The following IL1RAPL1 variants were observed in gnomAD, a reference collection of about 807,000 sequenced individuals.
The protein encoded by IL1RAPL1 is interleukin 1 receptor accessory protein like 1, also known as interleukin-1 receptor accessory protein-like 1.
In IL1RAPL1, 3 loss-of-function variants were observed where a neutral mutation model predicts 48.4. The ratio of observed to expected loss-of-function variants is 0.06; its 90% CI spans 0.03 to 0.16. The LOEUF (loss-of-function observed/expected upper bound fraction) is 0.16. Among genes scored for constraint, IL1RAPL1 ranks in the 10% least tolerant of loss-of-function variants. IL1RAPL1 has a pLI of 1.00. For synonymous variants in IL1RAPL1, 185 were observed against 187.7 expected (o/e 0.99, Z 0.12); for missense variants, 349 against 530.6 (o/e 0.66, Z 3.36).
chrX:28,834,321 G>A, intron 2 of IL1RAPL1, among the ~76,000 whole-genome samples: 1 of 111,164 alleles, frequency 9.0e-6, no homozygotes, highest in Non-Finnish European at 1.9e-5. Flanking sequence ...CCTCTTGTTA[G>A]GTATGTTGGT....
At chrX:29,942,939 G>GT (rs1435396441) in intron 9 of IL1RAPL1, among the ~76,000 whole-genome samples, 91 of 107,566 alleles carry the variant, frequency 8.5e-4, no homozygotes, top group East Asian at 4.1e-3. Flanking sequence ...TTTATATACT[G>GT]TTTTTTTTTC....
At chrX:29,031,008 CT>C (rs758796092) in intron 2 of IL1RAPL1, among the ~76,000 whole-genome samples, 1 of 111,380 alleles carries the variant, frequency 9.0e-6, no homozygotes. Context: ...ATGTATTTGA[CT>C]TTGATTTTGC....
intron 2 of IL1RAPL1, among the ~76,000 whole-genome samples, chrX:29,147,298 T>C (rs1929369878): frequency 8.9e-6 from 1 of 112,357 alleles, no homozygotes; most frequent in African/African-American, 3.2e-5. Context: ...TTGAAATTTC[T>C]TGGGCATTTC....
chrX:29,377,495 T>G (rs1365186096), intron 3 of IL1RAPL1, among the ~76,000 whole-genome samples: 1 of 112,192 alleles, frequency 8.9e-6, no homozygotes, highest in Non-Finnish European at 1.9e-5. Flanking sequence ...GTAGCAAGTG[T>G]TGTTCTTTCA....
intron 2 of IL1RAPL1, among the ~76,000 whole-genome samples, chrX:28,966,770 G>T (rs1569209862): frequency 9.0e-6 from 1 of 111,539 alleles, no homozygotes. Context: ...ACTTTTACTG[G>T]AACAGTTACA....
chrX:28,925,987 T>G (rs755597168), intron 2 of IL1RAPL1, among the ~76,000 whole-genome samples: 15 of 112,376 alleles, frequency 1.3e-4, no homozygotes, highest in Non-Finnish European at 2.8e-4. Flanking sequence ...ATTATTTGCT[T>G]TACAAATAAC....
chrX:29,073,881 C>T (rs1258940917), intron 2 of IL1RAPL1, among the ~76,000 whole-genome samples: 1 of 111,526 alleles, frequency 9.0e-6, no homozygotes, highest in East Asian at 2.8e-4. Flanking sequence ...GTGAAGTCAC[C>T]TGCCTAAAGC....
chrX:28,887,282 C>T (rs916971160), intron 2 of IL1RAPL1, among the ~76,000 whole-genome samples: 2 of 111,846 alleles, frequency 1.8e-5, no homozygotes, highest in Non-Finnish European at 3.8e-5. Context: ...TTCCTTCCCT[C>T]CAGAAGACAG....
chrX:28,787,654 C>T (rs1936488474), intron 1 of IL1RAPL1, among the ~76,000 whole-genome samples: 1 of 110,522 alleles, frequency 9.0e-6, no homozygotes, highest in East Asian at 2.8e-4. Context: ...ATGGATTTTG[C>T]TTTTGTTTTG....
rs183946077 is a variant in IL1RAPL1, at chrX:28,703,001, G to T, written c.-24-86319G>T. ...CATAATAAGACTGTCCAAGAATGCA[G>T]ATTGACATTGATCAGTTGTGAGTCT... On this transcript the variant is annotated intron_variant, in intron 1 of 10. Transcript: ENST00000378993. Among the ~76,000 whole-genome samples the T allele has an allele frequency of 9.6e-4, 107 of 111,606 alleles. 1 individual carries two copies. The highest frequency in any genetic ancestry group is 3.4e-3 in the African/African-American group (104 of 30,796).
Position 29,301,068 on chromosome X carries a change from A to T in IL1RAPL1, c.362+17851A>T, listed in dbSNP as rs1932526712. On this transcript the variant is annotated intron_variant, in intron 3 of 10. Transcript: ENST00000378993. ...TCTGATCTTAAAGTCAAGCCATGAA[A>T]TTTTTATATATTATCATACATTTCC... 7.2e-5 allele frequency among the ~76,000 whole-genome samples: 8 copies of T among 111,793 alleles called. No homozygotes were observed. In the Admixed American group the frequency reaches 7.6e-4, roughly 11 times the overall value.
At chrX:29,793,317 A>G (rs1212507929) in intron 6 of IL1RAPL1, among the ~76,000 whole-genome samples, 2 of 112,351 alleles carry the variant, frequency 1.8e-5, no homozygotes, top group Non-Finnish European at 3.8e-5. Context: ...TTTCTTTGTT[A>G]TATTTCATTG....
intron 2 of IL1RAPL1, among the ~76,000 whole-genome samples, chrX:29,271,418 A>C (rs1368431619): frequency 8.9e-6 from 1 of 112,302 alleles, no homozygotes; most frequent in Non-Finnish European, 1.9e-5. Flanking sequence ...GTTCTGCTTT[A>C]AATTCTTTGA....
chrX:29,583,689 G>A (rs1436639404), intron 5 of IL1RAPL1, among the ~76,000 whole-genome samples: 2 of 86,208 alleles, frequency 2.3e-5, no homozygotes, highest in Non-Finnish European at 4.4e-5. Context: ...AGCTACCAAT[G>A]ACTTTCTTCA....
chrX:28,898,291 A>AT (rs761079718), intron 2 of IL1RAPL1, among the ~76,000 whole-genome samples: 4 of 111,705 alleles, frequency 3.6e-5, no homozygotes, highest in South Asian at 3.8e-4. Flanking sequence ...TAATATATCT[A>AT]TTTTTTGTCT....
At chrX:28,827,817 G>C (rs1031659249) in intron 2 of IL1RAPL1, among the ~76,000 whole-genome samples, 13 of 112,048 alleles carry the variant, frequency 1.2e-4, no homozygotes, top group African/African-American at 3.6e-4. Flanking sequence ...TTAAGCAACA[G>C]TTGTATGTTT....
intron 2 of IL1RAPL1, among the ~76,000 whole-genome samples, chrX:29,253,893 G>A (rs185687927): frequency 2.0e-4 from 22 of 111,517 alleles, no homozygotes; most frequent in Non-Finnish European, 3.8e-4. Flanking sequence ...AGCATTTAAG[G>A]TGAAAGGTAA....
chrX:29,535,711 T>G (rs1921207678), intron 5 of IL1RAPL1, among the ~76,000 whole-genome samples: 1 of 112,008 alleles, frequency 8.9e-6, no homozygotes, highest in Non-Finnish European at 1.9e-5. Context: ...AATATTGAAC[T>G]AGTACTTAGT....
intron 2 of IL1RAPL1, among the ~76,000 whole-genome samples, chrX:29,035,069 G>A (rs948992482): frequency 5.4e-5 from 6 of 110,933 alleles, no homozygotes; most frequent in Non-Finnish European, 7.5e-5. Flanking sequence ...GGGTTTCATC[G>A]TGTTAGCTAC....
Sources: gnomAD v4.1 joint callset for allele counts (sites outside exome capture counted in the v4.1 genomes callset) on GRCh38, gnomAD v4.1.1 for gene constraint, MANE v1.5 for transcripts, NCBI Gene and HGNC (gene_info 2026-07-23, HGNC 2026-07-21) for gene names.